The following VPS13B variants were observed in gnomAD, a reference collection of about 807,000 sequenced individuals.
The protein encoded by VPS13B is intermembrane lipid transfer protein VPS13B.
A neutral mutation model predicts 426.4 loss-of-function variants in VPS13B; 285 were observed. The observed-to-expected ratio is 0.67, with a 90% confidence interval of 0.61 to 0.74. VPS13B has a LOEUF of 0.74. Among genes scored for constraint, VPS13B ranks in the 30% least tolerant of loss-of-function variants. The pLI, the probability that VPS13B is intolerant of heterozygous loss-of-function variation, is 0.00. For synonymous variants in VPS13B, 1,676 were observed against 1,676.4 expected (o/e 1.00, Z 0.01); for missense variants, 4,537 against 4,782.6 (o/e 0.95, Z 1.51).
intron 33 of VPS13B, among the ~76,000 whole-genome samples, chr8:99,609,011 C>T (rs192412856): frequency 1.2e-3 from 176 of 151,950 alleles, no homozygotes; most frequent in Non-Finnish European, 2.0e-3. Flanking sequence ...TTTCATTTGC[C>T]GTAGGAATAT....
intron 19 of VPS13B, among the ~76,000 whole-genome samples, chr8:99,333,310 T>G (rs1810645458): frequency 6.6e-6 from 1 of 151,812 alleles, no homozygotes; most frequent in Non-Finnish European, 1.5e-5. Flanking sequence ...AACTTTACTT[T>G]CTTTTAATGA....
intron 6 of VPS13B, among the ~76,000 whole-genome samples, chr8:99,112,492 C>CT (rs1847416404): frequency 6.6e-6 from 1 of 151,994 alleles, no homozygotes; most frequent in Non-Finnish European, 1.5e-5. Flanking sequence ...CTGTGTTTTA[C>CT]TTTTTTCCAC....
chr8:99,755,216 A>G (rs1385013855), intron 39 of VPS13B, among the ~76,000 whole-genome samples: 2 of 152,040 alleles, frequency 1.3e-5, no homozygotes, highest in Non-Finnish European at 2.9e-5. Context: ...AGTGAAGGCT[A>G]AGGAGGAGTT....
chr8:99,526,690 G>A (rs886351656), intron 30 of VPS13B, among the ~76,000 whole-genome samples: 5 of 152,172 alleles, frequency 3.3e-5, no homozygotes, highest in African/African-American at 1.2e-4. Context: ...ATTTATTTTT[G>A]AAAATGTTGA....
chr8:99,307,848 G>A (rs1820725509), intron 19 of VPS13B, among the ~76,000 whole-genome samples: 1 of 152,004 alleles, frequency 6.6e-6, no homozygotes. Context: ...TACAACATTA[G>A]ATATTTGAAA....
intron 21 of VPS13B, among the ~76,000 whole-genome samples, chr8:99,407,642 T>C (rs1420025690): frequency 6.6e-6 from 1 of 151,850 alleles, no homozygotes; most frequent in Non-Finnish European, 1.5e-5. Flanking sequence ...TTTTCTTTTT[T>C]TTTGCCTATT....
At chr8:99,093,398 C>CTT (rs1177797728) in intron 3 of VPS13B, among the ~76,000 whole-genome samples, 3 of 150,552 alleles carry the variant, frequency 2.0e-5, no homozygotes, top group South Asian at 2.1e-4. Context: ...TATTATTATA[C>CTT]TTTAAGTTTT....
rs138017001 is a variant in VPS13B, at chr8:99,863,028, G to T, written c.11215+1082G>T. ...CTTTGGGGAAGGTGGTGTGGCAGTG[G>T]ACCCTGCCCTCAGAAGCCCCAGACC... On this transcript the variant is annotated intron_variant, in intron 58 of 61. Coordinates refer to ENST00000357162, the MANE Select transcript of VPS13B (RefSeq NM_152564.5). 1.9e-3 allele frequency among the ~76,000 whole-genome samples: 284 copies of T among 152,272 alleles called. 6 individuals carry two copies. In the East Asian group the frequency reaches 0.029, roughly 16 times the overall value.
rs1814275776 is a variant in VPS13B, at chr8:99,820,056, A to G, written c.8928A>G (p.Leu2976=). 2 of 1,614,016 alleles carry G rather than the reference A, an allele frequency of 1.2e-6. No homozygotes were observed. Among genetic ancestry groups the G allele is most frequent in the East Asian group, 4.5e-5 (2 of 44,876 alleles). The change falls in exon 49 of 62, where the codon CTA becomes CTG. Residue 2976 remains leucine (L), a synonymous_variant. Transcript: ENST00000357162. ...ATGAATCCAAATGGGACCTCTGGCT[A>G]TTTGAAGGAGAGAAAATTGTTCTAC... The part of the protein sequence containing the change: ...LINESKWDLW[L]FEGEKIVLQV...
chr8:99,381,686 T>C lies in VPS13B; in HGVS notation c.2825-2522T>C, dbSNP rs190267026. On this transcript the variant is annotated intron_variant, in intron 19 of 61. Transcript: ENST00000357162. Reference sequence around the variant, plus strand: ...GTTGAGTTTTTTTTCATATGCTTGTTGGCCATATGTATATCTTCTTTTGAA... The same window carrying C: ...GTTGAGTTTTTTTTCATATGCTTGTCGGCCATATGTATATCTTCTTTTGAA... 1.4e-4 allele frequency among the ~76,000 whole-genome samples: 22 copies of C among 152,328 alleles called. No homozygotes were observed. The East Asian group carries it at 3.7e-3, about 25-fold the overall frequency.
rs535619370 is a variant in VPS13B at position 99,860,734 on chromosome 8, T to C, written c.11045-1042T>C. 6.6e-5 allele frequency among the ~76,000 whole-genome samples: 10 copies of C among 152,342 alleles called. No individual in the cohort carries two copies. The East Asian group carries it at 1.3e-3, about 21-fold the overall frequency. On this transcript the variant is annotated intron_variant, in intron 57 of 61. Transcript: ENST00000357162. ...GTTTGTTAGTGTCCAGATCTGTCCA[T>C]GAAAGTCGCTCAGTTTCGCTCACTA...
chr8:99,507,249 CT>C, intron 28 of VPS13B, 46 bp downstream of exon 28: 3 of 1,577,294 alleles, frequency 1.9e-6, no homozygotes, highest in Non-Finnish European at 2.6e-6. Flanking sequence ...GTACTTTAAA[CT>C]GTTTATCTTG....
intron 17 of VPS13B, among the ~76,000 whole-genome samples, chr8:99,221,306 T>C (rs1264569200): frequency 6.6e-6 from 1 of 151,516 alleles, no homozygotes; most frequent in Non-Finnish European, 1.5e-5. Context: ...ATATACCCAG[T>C]AATGGGATGG....
chr8:99,522,055 C>T (rs754903772), intron 30 of VPS13B, among the ~76,000 whole-genome samples: 4 of 152,060 alleles, frequency 2.6e-5, no homozygotes, highest in Non-Finnish European at 5.9e-5. Flanking sequence ...AATTATCTAA[C>T]TCAACTTCCC....
Position 99,871,512 on chromosome 8 carries a change from G to A in VPS13B, c.11560G>A (p.Gly3854Ser), listed in dbSNP as rs896870746. Reference protein sequence around the residue: ...HMALDVVLVRGSGQEHEGCLL... With the variant: ...HMALDVVLVRSSGQEHEGCLL... ...GGCCCTGGACGTGGTTCTGGTGAGG[G>A]GCTCAGGCCAGGAGCATGAAGGGTG... The change falls in exon 61 of 62, where the codon GGC becomes AGC. Residue 3854 changes from glycine (G) to serine (S), a missense_variant. By Grantham distance (56) the Gly-to-Ser change is moderately conservative. Coordinates refer to ENST00000357162, the MANE Select transcript of VPS13B (RefSeq NM_152564.5). 1.9e-6 allele frequency: 3 copies of A among 1,614,096 alleles called. No individual in the cohort carries two copies. Among genetic ancestry groups the A allele is most frequent in the Non-Finnish European group, 2.5e-6 (3 of 1,180,054 alleles).
At chr8:99,572,385 T>C (rs1478566490) in intron 31 of VPS13B, among the ~76,000 whole-genome samples, 1 of 152,182 alleles carries the variant, frequency 6.6e-6, no homozygotes, top group Non-Finnish European at 1.5e-5. Context: ...TATGTATACA[T>C]GTGCCATGTT....
In VPS13B at chr8:99,823,736, C is replaced by G; in HGVS notation, c.9184-96C>G. On this transcript the variant is annotated intron_variant, in intron 50 of 61. Coordinates refer to ENST00000357162, the MANE Select transcript of VPS13B (RefSeq NM_152564.5). ...AAAGGTAAAATTGGTACTGTCCTGG[C>G]AGACAATTAGATAAAATAACCTTTT... is the stretch of plus-strand genomic sequence containing the variant. 28 of 1,321,662 alleles carry G rather than the reference C, an allele frequency of 2.1e-5. 1 individual carries two copies. The highest frequency in any genetic ancestry group is 3.0e-5 in the Non-Finnish European group (28 of 927,772). The allele number at this position is 1,321,662 out of a possible 1,614,324, so 81.9% of individuals were successfully genotyped here.
At chr8:99,174,822 G>C (rs1694868743) in intron 16 of VPS13B, among the ~76,000 whole-genome samples, 1 of 152,230 alleles carries the variant, frequency 6.6e-6, no homozygotes, top group Non-Finnish European at 1.5e-5. Context: ...ATTTTAAGGA[G>C]AGAAAAATTG....
At chr8:99,638,957 T>C (rs1280162695) in intron 33 of VPS13B, among the ~76,000 whole-genome samples, 2 of 152,204 alleles carry the variant, frequency 1.3e-5, no homozygotes, top group Non-Finnish European at 2.9e-5. Context: ...AGAAGCAGAA[T>C]TGTATACTCC....
Sources: allele counts gnomAD v4.1 joint callset (sites outside exome capture counted in the v4.1 genomes callset), GRCh38; gene constraint gnomAD v4.1.1; transcripts MANE v1.5; gene names NCBI Gene and HGNC (gene_info 2026-07-23, HGNC 2026-07-21).